The following ADPRS variants were observed in gnomAD, a reference collection of about 807,000 sequenced individuals.
ADPRS encodes the protein ADP-ribosylhydrolase ARH3.
Under a neutral mutation model 32.1 loss-of-function variants are expected in ADPRS, and 25 were observed. The observed-to-expected ratio is 0.78, with a 90% CI of 0.57 to 1.09. ADPRS has a LOEUF of 1.09. Among genes scored for constraint, ADPRS ranks in the 50% least tolerant of loss-of-function variants. The pLI is 0.00. For synonymous variants in ADPRS, 225 were observed against 201.0 expected, an observed-to-expected ratio of 1.12 and a Z score of -1.01; for missense variants, 482 against 480.6, an observed-to-expected ratio of 1.00 and a Z score of -0.03.
chr1:36,089,397 A>G (rs1643447266), intron 1 of ADPRS, among the ~76,000 whole-genome samples: 1 of 152,226 alleles, frequency 6.6e-6, no homozygotes, highest in Admixed American at 6.5e-5. Flanking sequence ...AAATACCTGA[A>G]GTGGAAAGTG....
intron 4 of ADPRS, 47 bp from the exon 5 acceptor site, chr1:36,092,375 A>C (rs769077572): frequency 6.3e-7 from 1 of 1,587,048 alleles, no homozygotes. Flanking sequence ...TGCCCGCGCC[A>C]CCACCCTGCT....
At chr1:36,089,226 A>T (rs1643444272) in intron 1 of ADPRS, 111 bp downstream of exon 1, 8 of 1,248,578 alleles carry the variant, frequency 6.4e-6, no homozygotes, top group Non-Finnish European at 6.2e-6. Flanking sequence ...TGCCGAGGGC[A>T]CCGGGGCCAG....
chr1:36,088,942 G>C lies in ADPRS; in HGVS notation c.38G>C (p.Gly13Ala). Reference protein sequence around the residue: ...AAAMAAAAGGGAGAARSLSRF... With the variant: ...AAAMAAAAGGAAGAARSLSRF... ...GCGATGGCGGCAGCGGCAGGTGGAGGGGCTGGCGCGGCCCGCTCCCTCTCG... is the reference window on the plus strand; with the variant it reads ...GCGATGGCGGCAGCGGCAGGTGGAGCGGCTGGCGCGGCCCGCTCCCTCTCG... The change falls in exon 1 of 6, where the codon GGG (glycine) becomes GCG (alanine). Residue 13 changes from glycine to alanine, a missense_variant. Transcript: ENST00000373178. 6.6e-7 allele frequency: 1 copy of C among 1,519,996 alleles called. No individual in the cohort carries two copies. Among genetic ancestry groups the C allele is most frequent in the Non-Finnish European group, 8.8e-7 (1 of 1,139,120 alleles). The allele number at this position is 1,519,996 out of a possible 1,614,324, so 94.2% of individuals were successfully genotyped here.
At chr1:36,091,169 C>T (rs1643475106) in intron 1 of ADPRS, 75 bp from the exon 2 acceptor site, 1 of 1,324,398 alleles carries the variant, frequency 7.6e-7, no homozygotes, top group South Asian at 1.2e-5. Context: ...ACTCTGTCTC[C>T]AAAAAAAGCA....
chr1:36,092,141 A>G (rs757224095), intron 4 of ADPRS, 47 bp downstream of exon 4: 1 of 1,548,508 alleles, frequency 6.5e-7, no homozygotes, highest in Non-Finnish European at 8.7e-7. Flanking sequence ...TGGGTGATCC[A>G]GGGGGCCTCT....
chr1:36,091,221 C>T (rs1643476116), intron 1 of ADPRS, 23 bp from the exon 2 acceptor site: 1 of 1,588,254 alleles, frequency 6.3e-7, no homozygotes, highest in Non-Finnish European at 8.6e-7. Context: ...AGGAGGCTCT[C>T]ATCCTCCCTC....
chr1:36,092,559 C>T (rs372033314), intron 5 of ADPRS, 37 bp downstream of exon 5: 77 of 1,599,576 alleles, frequency 4.8e-5, no homozygotes, highest in Non-Finnish European at 5.5e-5. Flanking sequence ...CTCCCTCTGT[C>T]GTCCTTCAGG....
rs1404876638 is a variant in ADPRS at position 36,091,925 on chromosome 1, G to T, written c.532G>T (p.Ala178Ser). 6.2e-7 allele frequency: 1 copy of T among 1,605,832 alleles called. No homozygotes were observed. ...TCCTCCCTAGTTTGCCCGGCTCTCG[G>T]CCCAGCTGACACACGCCTCCTCCCT... is the stretch of plus-strand genomic sequence containing the variant. ...QDVQKFARLSAQLTHASSLGY... is the reference protein window; with the variant it reads ...QDVQKFARLSSQLTHASSLGY... The change falls in exon 4 of 6, where the codon GCC becomes TCC. Residue 178 changes from alanine to serine, a missense_variant. Physicochemically the swap from Ala to Ser is moderately conservative, Grantham distance 99. Coordinates refer to ENST00000373178, the MANE Select transcript of ADPRS (RefSeq NM_017825.3).
intron 2 of ADPRS, 50 bp downstream of exon 2, chr1:36,091,390 C>A: frequency 1.3e-6 from 2 of 1,536,652 alleles, no homozygotes; most frequent in Non-Finnish European, 1.8e-6. Context: ...AAAGTTATTG[C>A]ACCCCTTGAC....
In ADPRS at chr1:36,090,660, G is replaced by A. The variant is rs901402684; in HGVS notation, c.212-584G>A. On this transcript the variant is annotated intron_variant, in intron 1 of 5. Transcript: ENST00000373178. ...AGAGTTTGAGACCAGCCTGGCAACA[G>A]GATGAAACTCCATCTCTACAAAAAA... Among the ~76,000 whole-genome samples the A allele has an allele frequency of 8.2e-5, 9 of 109,880 alleles. No individual in the cohort carries two copies. The South Asian group carries it at 2.6e-3, about 32-fold the overall frequency. 72.1% of individuals were successfully genotyped at this position (109,880 alleles called of 152,430 possible). A position where few individuals can be genotyped will look rare whatever the true frequency, so the allele number is the denominator to read the frequency against.
At position 36,093,289 on chromosome 1, in the gene ADPRS, T is replaced by C. The variant is rs779455271; in HGVS notation, c.995T>C (p.Met332Thr). 3 of 1,614,216 alleles carry C rather than the reference T, an allele frequency of 1.9e-6. No homozygotes were observed. The highest frequency in any genetic ancestry group is 3.3e-5 in the Admixed American group (2 of 60,034). The stretch of plus-strand genomic sequence containing the variant: ...GCCATTGCTGGTGCCTACTATGGGA[T>C]GGATCAGGTGCCAGAGAGCTGGCAG... ...AGAIAGAYYG[M>T]DQVPESWQQS... is the part of the protein sequence containing the mutation. Residue 332 changes from methionine (M) to threonine (T), a missense_variant, in exon 6 of 6, where the codon ATG becomes ACG. Transcript: ENST00000373178.
At chr1:36,091,200 C>T (rs922961537) in intron 1 of ADPRS, 44 bp from the exon 2 acceptor site, 1 of 1,551,842 alleles carries the variant, frequency 6.4e-7, no homozygotes, top group South Asian at 1.1e-5. Context: ...ACAAAAAAAA[C>T]AAAGGTGAGC....
At chr1:36,091,135 C>T (rs949853348) in intron 1 of ADPRS, 109 bp from the exon 2 acceptor site, 3 of 818,472 alleles carry the variant, frequency 3.7e-6, no homozygotes, top group Non-Finnish European at 6.0e-6. Context: ...CACCAGTGCA[C>T]TCCAGTCTGG....
At chr1:36,090,173 C>T (rs1335961538) in intron 1 of ADPRS, among the ~76,000 whole-genome samples, 1 of 152,056 alleles carries the variant, frequency 6.6e-6, no homozygotes, top group Non-Finnish European at 1.5e-5. Flanking sequence ...CTATCATTTT[C>T]AATCTGGGTA....
rs1450463385 is a variant in ADPRS at position 36,093,523 on chromosome 1, G to C, written c.*137G>C. On this transcript the variant is annotated 3_prime_UTR_variant, in exon 6 of 6. Coordinates refer to ENST00000373178, the MANE Select transcript of ADPRS (RefSeq NM_017825.3). Reference sequence around the variant, plus strand: ...GCTGACTGAGTACACCGGTGAGGCTGGGGTCTCTGCAGGGGAGGTCACTGG... The same window carrying C: ...GCTGACTGAGTACACCGGTGAGGCTCGGGTCTCTGCAGGGGAGGTCACTGG... 2 of 1,200,070 alleles carry C rather than the reference G, an allele frequency of 1.7e-6. No individual in the cohort carries two copies. The highest frequency in any genetic ancestry group is 2.3e-6 in the Non-Finnish European group (2 of 871,822). The allele number at this position is 1,200,070 out of a possible 1,614,324, so 74.3% of individuals were successfully genotyped here.
Position 36,092,464 on chromosome 1 carries a change from G to A in ADPRS, c.744G>A (p.Lys248=). The A allele has an allele frequency of 6.2e-7, 1 of 1,614,206 alleles. No individual in the cohort carries two copies. The highest frequency in any genetic ancestry group is 8.5e-7 in the Non-Finnish European group (1 of 1,180,042). ...GTCCATACTCCAGCCGCCTGAAGAA[G>A]ATTGGAGAGCTTCTAGACCAGGCAT... is the stretch of plus-strand genomic sequence containing the variant. ...EERPYSSRLK[K]IGELLDQASV... Residue 248 remains lysine (K), a synonymous_variant, in exon 5 of 6, where the codon AAG becomes AAA. Coordinates refer to ENST00000373178, the MANE Select transcript of ADPRS (RefSeq NM_017825.3).
Position 36,093,653 on chromosome 1 carries a change from G to A in ADPRS, c.*267G>A. 2 of 460,808 alleles carry A rather than the reference G, an allele frequency of 4.3e-6. No homozygotes were observed. Among genetic ancestry groups the A allele is most frequent in the Admixed American group, 7.1e-5 (2 of 28,150 alleles). 28.5% of individuals were successfully genotyped at this position (460,808 alleles called of 1,614,324 possible). On this transcript the variant is annotated 3_prime_UTR_variant, in exon 6 of 6. Coordinates refer to ENST00000373178, the MANE Select transcript of ADPRS (RefSeq NM_017825.3). ...CAGTAGGACAGACAGACGCAGGCGG[G>A]TTTATTTTGGAGGGGTACTTGTGGC...
chr1:36,092,341 G>A (rs1215919506), intron 4 of ADPRS, 81 bp from the exon 5 acceptor site: 8 of 1,396,182 alleles, frequency 5.7e-6, no homozygotes, highest in African/African-American at 2.8e-5. Flanking sequence ...ATCCCTGCTC[G>A]TTCTCACATG....
chr1:36,091,216 G>A, intron 1 of ADPRS, 28 bp from the exon 2 acceptor site: 5 of 1,591,718 alleles, frequency 3.1e-6, no homozygotes, highest in African/African-American at 1.3e-5. Context: ...TGAGCAGGAG[G>A]CTCTCATCCT....
Sources: allele counts gnomAD v4.1 joint callset (sites outside exome capture counted in the v4.1 genomes callset), GRCh38; gene constraint gnomAD v4.1.1; transcripts MANE v1.5; gene names NCBI Gene and HGNC (gene_info 2026-07-23, HGNC 2026-07-21).